CCDC85C: variants seen among roughly 807,000 people sequenced by gnomAD.
CCDC85C encodes the protein coiled-coil domain-containing protein 85C.
CCDC85C carries 18 observed loss-of-function variants against 38.3 expected under a neutral mutation model. The observed-to-expected ratio is 0.47, with a 90% CI of 0.33 to 0.70. The LOEUF (loss-of-function observed/expected upper bound fraction) is 0.70. Among genes scored for constraint, CCDC85C ranks in the 30% least tolerant of loss-of-function variants. CCDC85C has a pLI of 0.03. For missense variants in CCDC85C, 566 were observed against 621.2 expected (o/e 0.91, Z 0.94); for synonymous variants, 264 against 293.8 (o/e 0.90, Z 1.04).
At chr14:99,580,888 G>C (rs181384479) in intron 1 of CCDC85C, among the ~76,000 whole-genome samples, 1 of 152,152 alleles carries the variant, frequency 6.6e-6, no homozygotes, top group Non-Finnish European at 1.5e-5. Flanking sequence ...AGGAACTGCT[G>C]TTCATCTTCT....
intron 1 of CCDC85C, among the ~76,000 whole-genome samples, chr14:99,582,545 A>G (rs2054984422): frequency 6.6e-6 from 1 of 152,136 alleles, no homozygotes; most frequent in Non-Finnish European, 1.5e-5. Context: ...GGCTGGGCAC[A>G]GTGGCTCATG....
intron 2 of CCDC85C, among the ~76,000 whole-genome samples, chr14:99,532,386 C>A (rs931486285): frequency 1.3e-5 from 2 of 152,244 alleles, no homozygotes; most frequent in African/African-American, 4.8e-5. Context: ...CTCCAGGGGC[C>A]TCTCTGTGCA....
In CCDC85C at chr14:99,576,964, G is replaced by A. The variant is rs1383216250; in HGVS notation, c.793+26203C>T. 6.6e-6 allele frequency among the ~76,000 whole-genome samples: 1 copy of A among 151,962 alleles called. No homozygotes were observed. The highest frequency in any genetic ancestry group is 6.5e-5 in the Admixed American group (1 of 15,280). On this transcript the variant is annotated intron_variant, in intron 1 of 5. Coordinates refer to ENST00000380243, the MANE Select transcript of CCDC85C (RefSeq NM_001144995.2). This position sits in a 1 kb window ranked among gnomAD's most constrained non-coding sequence, Gnocchi z 4.8. ...TCGCCCCCAGGCTGCCTGGGGGCAC[G>A]GTGGACACCAGCGAATGCCCATGCC...
intron 2 of CCDC85C, among the ~76,000 whole-genome samples, chr14:99,529,489 G>A (rs1345844499): frequency 6.6e-6 from 1 of 152,164 alleles, no homozygotes; most frequent in African/African-American, 2.4e-5. Context: ...TGCAACCTCT[G>A]CCTCCAGGTT....
chr14:99,586,975 T>G (rs1477292228), intron 1 of CCDC85C, among the ~76,000 whole-genome samples: 1 of 152,194 alleles, frequency 6.6e-6, no homozygotes, highest in African/African-American at 2.4e-5. Context: ...ACCGGGGACC[T>G]GCTTGCTCCT....
At position 99,520,761 on chromosome 14, in the gene CCDC85C, C is replaced by G. The variant is rs1001041073; in HGVS notation, c.975+1372G>C. 3.3e-5 allele frequency among the ~76,000 whole-genome samples: 5 copies of G among 152,238 alleles called. No individual in the cohort carries two copies. The highest frequency in any genetic ancestry group is 7.3e-5 in the Non-Finnish European group (5 of 68,038). On this transcript the variant is annotated intron_variant, in intron 3 of 5. Transcript: ENST00000380243. The surrounding 1 kb of genome is among the most constrained non-coding windows in gnomAD (Gnocchi z 4.1). The stretch of plus-strand genomic sequence containing the variant: ...CACTCACCATGGGGCCCTGGCCATC[C>G]ACCCCACCCCTGTGAGCCTCACTTC...
At chr14:99,532,817 T>C (rs4905849) in intron 2 of CCDC85C, among the ~76,000 whole-genome samples, 67,105 of 144,686 alleles carry the variant, frequency 0.46, 16,143 homozygotes, top group South Asian at 0.59. Context: ...AGTCTCACTC[T>C]GTTTCCCGGG....
rs116469139 is a variant in CCDC85C at position 99,535,569 on chromosome 14, C to G, written c.867+446G>C. Among the ~76,000 whole-genome samples, 2,386 of 152,266 alleles carry G rather than the reference C, an allele frequency of 0.016. 65 individuals are homozygous for G. Among genetic ancestry groups the G allele is most frequent in the African/African-American group, 0.054 (2,262 of 41,548 alleles). ...GCCCAGCTCTGCACAGGGGTAGCAG[C>G]CTCATCTGTCTGTGGGTGAGGTCGG... is the stretch of plus-strand genomic sequence containing the variant. On this transcript the variant is annotated intron_variant, in intron 2 of 5. Coordinates refer to ENST00000380243, the MANE Select transcript of CCDC85C (RefSeq NM_001144995.2). The surrounding 1 kb of genome is among the most constrained non-coding windows in gnomAD (Gnocchi z 5.5).
At chr14:99,593,440 G>A (rs191299855) in intron 1 of CCDC85C, among the ~76,000 whole-genome samples, 29 of 152,350 alleles carry the variant, frequency 1.9e-4, no homozygotes, top group South Asian at 2.1e-4. Context: ...CCAGCCCTGC[G>A]AAAGTGGGGT....
rs543585639 is a variant in CCDC85C, at chr14:99,544,110, C to T, written c.794-8022G>A. On this transcript the variant is annotated intron_variant, in intron 1 of 5. Coordinates refer to ENST00000380243, the MANE Select transcript of CCDC85C (RefSeq NM_001144995.2). This position sits in a 1 kb window ranked among gnomAD's most constrained non-coding sequence, Gnocchi z 5.3. Reference sequence around the variant, plus strand: ...ACACACGGAGCACAACCCCATCACACCAAGCTGACGAGGGACATCCTGTAA... The same window carrying T: ...ACACACGGAGCACAACCCCATCACATCAAGCTGACGAGGGACATCCTGTAA... 6.6e-6 allele frequency among the ~76,000 whole-genome samples: 1 copy of T among 152,164 alleles called. No individual in the cohort carries two copies. The highest frequency in any genetic ancestry group is 1.5e-5 in the Non-Finnish European group (1 of 68,044).
chr14:99,522,112 T>A (rs1481348049), intron 3 of CCDC85C, 21 bp downstream of exon 3: 1 of 1,532,820 alleles, frequency 6.5e-7, no homozygotes, highest in East Asian at 2.5e-5. Context: ...ACATGTGGGC[T>A]TTTTTGGGGT....
At position 99,533,283 on chromosome 14, in the gene CCDC85C, C is replaced by T. The variant is rs1052891760; in HGVS notation, c.867+2732G>A. 2.0e-5 allele frequency among the ~76,000 whole-genome samples: 3 copies of T among 152,198 alleles called. No individual in the cohort carries two copies. The highest frequency in any genetic ancestry group is 7.2e-5 in the African/African-American group (3 of 41,462). The stretch of plus-strand genomic sequence containing the variant: ...TGCTGGGAGCCCCAGGGCAAGACCT[C>T]TGCCTGCTGCAGAGTCCATGCTGAG... On this transcript the variant is annotated intron_variant, in intron 2 of 5. Coordinates refer to ENST00000380243, the MANE Select transcript of CCDC85C (RefSeq NM_001144995.2). The surrounding 1 kb of genome is among the most constrained non-coding windows in gnomAD (Gnocchi z 4.2).
At position 99,569,078 on chromosome 14, in the gene CCDC85C, C is replaced by T. The variant is rs1898282042; in HGVS notation, c.794-32990G>A. On this transcript the variant is annotated intron_variant, in intron 1 of 5. Transcript: ENST00000380243. This position sits in a 1 kb window ranked among gnomAD's most constrained non-coding sequence, Gnocchi z 4.3. The stretch of plus-strand genomic sequence containing the variant: ...AGACAGAGGCAGCTCAAAGAGGGGA[C>T]ATCAAATCCCCACTCCTGGCCTGTG... Among the ~76,000 whole-genome samples the T allele has an allele frequency of 6.6e-6, 1 of 152,168 alleles. No homozygotes were observed. Among genetic ancestry groups the T allele is most frequent in the Non-Finnish European group, 1.5e-5 (1 of 68,028 alleles).
intron 2 of CCDC85C, among the ~76,000 whole-genome samples, chr14:99,534,084 G>A (rs1459434325): frequency 6.6e-6 from 1 of 152,190 alleles, no homozygotes; most frequent in Non-Finnish European, 1.5e-5. Flanking sequence ...GGCCGGGCGT[G>A]GTGGCTCACA....
chr14:99,578,109 T>C (rs1005594337), intron 1 of CCDC85C, among the ~76,000 whole-genome samples: 1 of 91,738 alleles, frequency 1.1e-5, no homozygotes, highest in Non-Finnish European at 2.1e-5. Flanking sequence ...CCCCCATCAG[T>C]GTGTGTGTGT....
intron 1 of CCDC85C, among the ~76,000 whole-genome samples, chr14:99,574,397 C>T (rs943157259): frequency 6.6e-6 from 1 of 152,152 alleles, no homozygotes; most frequent in African/African-American, 2.4e-5. Flanking sequence ...CCACAGCTCA[C>T]TCTCCCCCAA....
At chr14:99,583,807 TAAAAAAAA>T (rs34283477) in intron 1 of CCDC85C, among the ~76,000 whole-genome samples, 1 of 115,154 alleles carries the variant, frequency 8.7e-6, no homozygotes, top group African/African-American at 3.1e-5. Context: ...GGCTCTGTCT[TAAAAAAAA>T]AAAAAAAAAA....
At chr14:99,587,016 G>A (rs2055034611) in intron 1 of CCDC85C, among the ~76,000 whole-genome samples, 1 of 152,192 alleles carries the variant, frequency 6.6e-6, no homozygotes, top group Non-Finnish European at 1.5e-5. Flanking sequence ...CACCCCAACA[G>A]AGCAATAGCC....
rs1017106517 is a variant in CCDC85C at position 99,544,431 on chromosome 14, G to A, written c.794-8343C>T. Among the ~76,000 whole-genome samples, 18 of 152,126 alleles carry A rather than the reference G, an allele frequency of 1.2e-4. No individual in the cohort carries two copies. The highest frequency in any genetic ancestry group is 3.6e-4 in the African/African-American group (15 of 41,416). On this transcript the variant is annotated intron_variant, in intron 1 of 5. Coordinates refer to ENST00000380243, the MANE Select transcript of CCDC85C (RefSeq NM_001144995.2). The surrounding 1 kb of genome is among the most constrained non-coding windows in gnomAD (Gnocchi z 5.3). ...CCCCCAACAAAGAGACCGAGGTTCC[G>A]AGGGGCTCCATAACCACCCAGTCAC...
Sources: gnomAD v4.1 joint callset for allele counts (sites outside exome capture counted in the v4.1 genomes callset) on GRCh38, gnomAD v4.1.1 for gene constraint, Gnocchi (gnomAD v3.1) non-coding constraint, MANE v1.5 for transcripts, NCBI Gene and HGNC (gene_info 2026-07-23, HGNC 2026-07-21) for gene names.